Variants in TSPAN9 observed in about 807,000 individuals in gnomAD.
TSPAN9 encodes the protein tetraspanin-9.
A neutral mutation model predicts 31.0 loss-of-function variants in TSPAN9; 16 were observed. The ratio of observed to expected loss-of-function variants is 0.52; its 90% CI spans 0.35 to 0.78. TSPAN9 has a LOEUF of 0.78. Among genes scored for constraint, TSPAN9 ranks in the 30% least tolerant of loss-of-function variants. The probability of loss-of-function intolerance (pLI) is 0.01; values close to 1 mark genes in which losing one functional copy is unlikely to be tolerated. For synonymous variants in TSPAN9, 145 were observed against 121.6 expected (o/e 1.19, Z -1.27); for missense variants, 272 against 312.5 (o/e 0.87, Z 0.98).
At chr12:3,084,887 C>T (rs537280112) in intron 2 of TSPAN9, among the ~76,000 whole-genome samples, 16 of 152,308 alleles carry the variant, frequency 1.1e-4, no homozygotes, top group East Asian at 3.9e-4. Context: ...TCTGGGAATC[C>T]GCTCCAGGTC....
chr12:3,106,414 C>T (rs970254113), intron 2 of TSPAN9, among the ~76,000 whole-genome samples: 1 of 152,174 alleles, frequency 6.6e-6, no homozygotes, highest in Non-Finnish European at 1.5e-5. Context: ...AGGCATTATG[C>T]CTGTAAAATG....
rs1432310655 is a variant in TSPAN9 at position 3,205,342 on chromosome 12, C to T, written c.63+4086C>T. Among the ~76,000 whole-genome samples the T allele has an allele frequency of 4.6e-5, 7 of 152,316 alleles. No individual in the cohort carries two copies. The East Asian group carries it at 9.7e-4, about 21-fold the overall frequency. On this transcript the variant is annotated intron_variant, in intron 3 of 8. Transcript: ENST00000011898. ...CCTGCTGGAACAGGGAAAAGGTTGG[C>T]GCAGGGTGGCCCCGGGCAGAGTGCT... is the stretch of plus-strand genomic sequence containing the variant.
At chr12:3,278,014 C>T (rs1349856682) in intron 3 of TSPAN9, among the ~76,000 whole-genome samples, 3 of 152,216 alleles carry the variant, frequency 2.0e-5, no homozygotes, top group Non-Finnish European at 2.9e-5. Context: ...CTTTTCCTGA[C>T]CCCAGTTCTC....
intron 3 of TSPAN9, among the ~76,000 whole-genome samples, chr12:3,224,908 AG>A (rs2153975339): frequency 1.3e-5 from 2 of 152,234 alleles, no homozygotes; most frequent in South Asian, 4.1e-4. Context: ...AGCTGTGGTC[AG>A]GATTACAGGG....
intron 8 of TSPAN9, among the ~76,000 whole-genome samples, chr12:3,282,693 A>G (rs1862920401): frequency 6.6e-6 from 1 of 151,620 alleles, no homozygotes; most frequent in Non-Finnish European, 1.5e-5. Flanking sequence ...GATCCCTGCC[A>G]CCTCCCACTC....
intron 3 of TSPAN9, among the ~76,000 whole-genome samples, chr12:3,267,042 G>A (rs1862550507): frequency 6.6e-6 from 1 of 152,204 alleles, no homozygotes; most frequent in Middle Eastern, 3.2e-3. Context: ...TGCCATGGGT[G>A]GAGCCGAGGC....
chr12:3,112,079 T>C (rs1490840655), intron 2 of TSPAN9, among the ~76,000 whole-genome samples: 2 of 152,056 alleles, frequency 1.3e-5, no homozygotes, highest in Non-Finnish European at 2.9e-5. Context: ...TCTAGGAATT[T>C]ATCCGTTTCT....
At chr12:3,257,299 C>T (rs1862364925) in intron 3 of TSPAN9, among the ~76,000 whole-genome samples, 1 of 151,914 alleles carries the variant, frequency 6.6e-6, no homozygotes, top group South Asian at 2.1e-4. Flanking sequence ...CCTTCGTGCA[C>T]CTTGGGGTTT....
At chr12:3,140,237 G>T (rs979594716) in intron 2 of TSPAN9, among the ~76,000 whole-genome samples, 1 of 152,174 alleles carries the variant, frequency 6.6e-6, no homozygotes, top group Non-Finnish European at 1.5e-5. Context: ...GACATTTTAT[G>T]TTGTTTAGTG....
intron 3 of TSPAN9, among the ~76,000 whole-genome samples, chr12:3,203,182 A>T (rs1368735248): frequency 2.0e-5 from 3 of 151,138 alleles, no homozygotes; most frequent in East Asian, 2.0e-4. Flanking sequence ...CGGAGTTGGT[A>T]TAACTGCCTG....
At chr12:3,275,434 A>G (rs1862764027) in intron 3 of TSPAN9, among the ~76,000 whole-genome samples, 1 of 152,144 alleles carries the variant, frequency 6.6e-6, no homozygotes, top group Admixed American at 6.5e-5. Flanking sequence ...TACTCATTCC[A>G]GGGTCTGGCT....
At chr12:3,173,731 G>C (rs190403014) in intron 2 of TSPAN9, 1 of 152,310 alleles carries the variant, frequency 6.6e-6, no homozygotes, top group East Asian at 1.9e-4. Context: ...GGTCTCAAGT[G>C]ATCCTGTTCC....
intron 2 of TSPAN9, among the ~76,000 whole-genome samples, chr12:3,142,701 G>C (rs898348920): frequency 2.0e-5 from 3 of 152,138 alleles, no homozygotes; most frequent in African/African-American, 4.8e-5. Flanking sequence ...CCTGCGGTGC[G>C]TATCTCCCTG....
intron 3 of TSPAN9, among the ~76,000 whole-genome samples, chr12:3,245,466 G>C (rs1024306603): frequency 2.6e-5 from 4 of 152,216 alleles, no homozygotes; most frequent in Non-Finnish European, 5.9e-5. Flanking sequence ...AGCAAGTTGA[G>C]TTGGCAGCCC....
chr12:3,246,026 A>G (rs1862118468), intron 3 of TSPAN9, among the ~76,000 whole-genome samples: 1 of 151,944 alleles, frequency 6.6e-6, no homozygotes, highest in South Asian at 2.1e-4. Flanking sequence ...TTTATAAAGA[A>G]AAGAGGTTTA....
intron 3 of TSPAN9, among the ~76,000 whole-genome samples, chr12:3,263,610 A>G (rs768740175): frequency 3.3e-5 from 5 of 152,214 alleles, no homozygotes; most frequent in African/African-American, 4.8e-5. Context: ...GGGCTCCCAC[A>G]ATCCATATAT....
chr12:3,131,861 A>G (rs962722124), intron 2 of TSPAN9, among the ~76,000 whole-genome samples: 2 of 152,222 alleles, frequency 1.3e-5, no homozygotes, highest in Admixed American at 6.5e-5. Flanking sequence ...TTGTAAAACC[A>G]TCACCACTAC....
At chr12:3,181,405 T>C (rs529119530) in intron 2 of TSPAN9, among the ~76,000 whole-genome samples, 35 of 152,210 alleles carry the variant, frequency 2.3e-4, no homozygotes, top group South Asian at 1.2e-3. Context: ...GATTTGAATA[T>C]GATAGGACTG....
At chr12:3,136,181 C>A (rs867516251) in intron 2 of TSPAN9, among the ~76,000 whole-genome samples, 2 of 152,202 alleles carry the variant, frequency 1.3e-5, no homozygotes, top group African/African-American at 4.8e-5. Flanking sequence ...GGAAGCACTT[C>A]GTGAGCCAGG....
Sources: gnomAD v4.1 joint callset for allele counts (sites outside exome capture counted in the v4.1 genomes callset) on GRCh38, gnomAD v4.1.1 for gene constraint, MANE v1.5 for transcripts, NCBI Gene and HGNC (gene_info 2026-07-23, HGNC 2026-07-21) for gene names.